SMG6: variants seen among roughly 807,000 people sequenced by gnomAD.
SMG6 encodes the protein SMG6 nonsense mediated mRNA decay factor, also known as telomerase-binding protein EST1A.
SMG6 carries 66 observed loss-of-function variants against 142.2 expected under a neutral mutation model. That is an observed-to-expected ratio of 0.46 (90% CI 0.38 to 0.57). The LOEUF (loss-of-function observed/expected upper bound fraction) is 0.57, where lower values mean the gene tolerates loss of function less well. Ranked by LOEUF, SMG6 falls within the 20% of genes least tolerant of loss-of-function variation. SMG6 has a pLI of 0.00. For missense variants in SMG6, 1,793 were observed against 1,832.0 expected (o/e 0.98, Z 0.39); for synonymous variants, 779 against 702.4 (o/e 1.11, Z -1.72).
At chr17:2,247,344 C>T (rs574766472) in intron 8 of SMG6, among the ~76,000 whole-genome samples, 1 of 152,318 alleles carries the variant, frequency 6.6e-6, no homozygotes, top group South Asian at 2.1e-4. Context: ...TAAGAATACA[C>T]ATTCTCTCTC....
At chr17:2,146,076 G>A (rs868001436) in intron 13 of SMG6, among the ~76,000 whole-genome samples, 28 of 152,206 alleles carry the variant, frequency 1.8e-4, no homozygotes, top group Admixed American at 2.0e-4. Context: ...GGGCCTAGAA[G>A]ATATGATTAA....
intron 13 of SMG6, chr17:2,088,241 A>C (rs1297876927): frequency 1.0e-6 from 1 of 985,296 alleles, no homozygotes; most frequent in Non-Finnish European, 1.2e-6. Context: ...TGGCTAAGAA[A>C]GCATGGTTTC....
At chr17:2,181,783 A>T (rs1241866924) in intron 12 of SMG6, among the ~76,000 whole-genome samples, 1 of 152,260 alleles carries the variant, frequency 6.6e-6, no homozygotes, top group African/African-American at 2.4e-5. Flanking sequence ...GCAGCAGCTC[A>T]GAGCCGGCAA....
intron 8 of SMG6, among the ~76,000 whole-genome samples, chr17:2,247,651 T>G (rs1216143896): frequency 6.7e-6 from 1 of 149,442 alleles, no homozygotes; most frequent in Non-Finnish European, 1.5e-5. Context: ...AGCCGGGTGG[T>G]GGGTGCCTGT....
At chr17:2,093,428 G>GAA (rs201284242) in intron 13 of SMG6, among the ~76,000 whole-genome samples, 54 of 150,308 alleles carry the variant, frequency 3.6e-4, no homozygotes, top group African/African-American at 1.2e-3. Flanking sequence ...GACTCAAAAA[G>GAA]AAAAAAAAAG....
intron 8 of SMG6, among the ~76,000 whole-genome samples, chr17:2,275,464 A>G (rs1567738718): frequency 2.0e-5 from 3 of 152,224 alleles, no homozygotes; most frequent in Middle Eastern, 6.8e-3. Context: ...TCTATCATCT[A>G]TCAACCACTC....
intron 13 of SMG6, among the ~76,000 whole-genome samples, chr17:2,108,064 G>GTT (rs150036774): frequency 2.0e-4 from 30 of 151,568 alleles, no homozygotes; most frequent in Middle Eastern, 3.4e-3. Context: ...AATCTAACAG[G>GTT]TTTTTTTTTG....
chr17:2,152,626 T>C (rs2070861338), intron 13 of SMG6, among the ~76,000 whole-genome samples: 1 of 152,262 alleles, frequency 6.6e-6, no homozygotes, highest in Non-Finnish European at 1.5e-5. Context: ...ATTAGAGAAA[T>C]GCGAATTAAA....
chr17:2,132,772 C>G (rs1174735689), intron 13 of SMG6, among the ~76,000 whole-genome samples: 1 of 152,098 alleles, frequency 6.6e-6, no homozygotes, highest in East Asian at 1.9e-4. Context: ...AAGAGAAAAA[C>G]AAGAAGGCAC....
chr17:2,199,395 G>A (rs927187007), intron 10 of SMG6, among the ~76,000 whole-genome samples: 44 of 151,996 alleles, frequency 2.9e-4, no homozygotes, highest in Non-Finnish European at 5.7e-4. Flanking sequence ...CACTTTGGGA[G>A]GCTGAGGTGG....
chr17:2,086,019 G>A, intron 13 of SMG6, 118 bp from the exon 14 acceptor site: 1 of 1,045,274 alleles, frequency 9.6e-7, no homozygotes. Context: ...CAGGCAAGGG[G>A]GTCAGAATGA....
intron 10 of SMG6, among the ~76,000 whole-genome samples, chr17:2,192,244 G>A (rs1013065691): frequency 9.9e-5 from 15 of 152,284 alleles, no homozygotes; most frequent in African/African-American, 3.6e-4. Context: ...ATCAATTCCA[G>A]TGTTGCCATC....
chr17:2,296,004 A>G (rs2075135393), intron 4 of SMG6, among the ~76,000 whole-genome samples: 1 of 151,984 alleles, frequency 6.6e-6, no homozygotes, highest in Admixed American at 6.6e-5. Context: ...CTTAGTTCAG[A>G]CCTACAACCT....
chr17:2,128,084 A>G (rs1198901228), intron 13 of SMG6, among the ~76,000 whole-genome samples: 1 of 152,180 alleles, frequency 6.6e-6, no homozygotes, highest in Non-Finnish European at 1.5e-5. Context: ...TCCTGCAGGA[A>G]GTGAGTATAG....
Position 2,172,652 on chromosome 17 carries a change from G to T in SMG6, c.3357+6C>A, listed in dbSNP as rs763166151. On this transcript the variant is annotated splice_donor_region_variant and intron_variant, in intron 13 of 18. Coordinates refer to ENST00000263073, the MANE Select transcript of SMG6 (RefSeq NM_017575.5). ...AATGGGGAGGGATGTTTGGCCTGGG[G>T]CTGACCTTATCCGAGGTTTTCTCCA... 6.2e-7 allele frequency: 1 copy of T among 1,612,884 alleles called. No homozygotes were observed. Among genetic ancestry groups the T allele is most frequent in the Middle Eastern group, 2.0e-4 (1 of 5,042 alleles).
chr17:2,246,283 G>A (rs2073925361), intron 8 of SMG6, among the ~76,000 whole-genome samples: 2 of 152,220 alleles, frequency 1.3e-5, no homozygotes, highest in African/African-American at 2.4e-5. Context: ...TCAGGGCTCT[G>A]TAGCCAGCCA....
rs1016219788 is a variant in SMG6 at position 2,106,457 on chromosome 17, C to A, written c.3358-20556G>T. Among the ~76,000 whole-genome samples, 3 of 152,236 alleles carry A rather than the reference C, an allele frequency of 2.0e-5. No individual in the cohort carries two copies. The South Asian group carries it at 6.2e-4, about 32-fold the overall frequency. On this transcript the variant is annotated intron_variant, in intron 13 of 18. Transcript: ENST00000263073. ...CTATAGCAGCAAAGGCACATACTAC[C>A]ATTCCTCGGTGACCTCAGAGGAGTC... is the stretch of plus-strand genomic sequence containing the variant.
At chr17:2,294,365 A>AAAAAC (rs536440838) in intron 4 of SMG6, among the ~76,000 whole-genome samples, 9 of 152,340 alleles carry the variant, frequency 5.9e-5, no homozygotes, top group South Asian at 2.1e-4. Flanking sequence ...GGTAAGAGAC[A>AAAAAC]AAAACAAAAC....
chr17:2,114,663 T>A lies in SMG6; in HGVS notation c.3358-28762A>T, dbSNP rs1044257590. Among the ~76,000 whole-genome samples the A allele has an allele frequency of 2.2e-4, 34 of 152,022 alleles. 1 individual carries two copies. Among genetic ancestry groups the A allele is most frequent in the African/African-American group, 8.2e-4 (34 of 41,396 alleles). On this transcript the variant is annotated intron_variant, in intron 13 of 18. Coordinates refer to ENST00000263073, the MANE Select transcript of SMG6 (RefSeq NM_017575.5). ...GGGCACAGGGGCCAGGCGCGGTGGC[T>A]CACACCTGTAATCCCAGCACTTTGG... is the stretch of plus-strand genomic sequence containing the variant.
Sources: allele counts gnomAD v4.1 joint callset (sites outside exome capture counted in the v4.1 genomes callset), GRCh38; gene constraint gnomAD v4.1.1; transcripts MANE v1.5; gene names NCBI Gene and HGNC (gene_info 2026-07-23, HGNC 2026-07-21).